The following C11orf65 variants were observed in gnomAD, a reference collection of about 807,000 sequenced individuals.
C11orf65 encodes the protein chromosome 11 open reading frame 65.
Under a neutral mutation model 35.3 loss-of-function variants are expected in C11orf65, and 38 were observed. That is an observed-to-expected ratio of 1.08 (90% CI 0.83 to 1.41). The LOEUF (loss-of-function observed/expected upper bound fraction) is 1.41, where lower values mean the gene tolerates loss of function less well. Among genes scored for constraint, C11orf65 ranks in the 40% most tolerant of loss-of-function variants. The pLI is 0.00. For synonymous variants in C11orf65, 105 were observed against 114.4 expected, an observed-to-expected ratio of 0.92 and a Z score of 0.53; for missense variants, 370 against 367.1, an observed-to-expected ratio of 1.01 and a Z score of -0.06.
intron 6 of C11orf65, chr11:108,317,231 A>G (rs1591787770): frequency 3.7e-6 from 3 of 804,344 alleles, no homozygotes; most frequent in East Asian, 6.3e-5. Flanking sequence ...GAGCCACCAC[A>G]CCCAGCTGAT....
chr11:108,431,402 T>C (rs79181376), intron 3 of C11orf65, among the ~76,000 whole-genome samples: 4,044 of 152,298 alleles, frequency 0.027, 190 homozygotes, highest in African/African-American at 0.092. Context: ...AAGCATACTA[T>C]AGGATTCTAT....
chr11:108,415,270 CA>C (rs2092713518), intron 3 of C11orf65, among the ~76,000 whole-genome samples: 1 of 152,080 alleles, frequency 6.6e-6, no homozygotes, highest in Admixed American at 6.6e-5. Context: ...CAATGAATCA[CA>C]AGGTTAATAT....
At chr11:108,327,415 A>G (rs1449478106), downstream of C11orf65, 2 of 476,824 alleles carry the variant, frequency 4.2e-6, no homozygotes, top group Non-Finnish European at 7.6e-6. Context: ...AGTACTCAAT[A>G]AATGTGACTT....
At position 108,406,842 on chromosome 11, in the gene C11orf65, T is replaced by G. The variant is rs772929861; in HGVS notation, c.350A>C (p.Asn117Thr). 6.2e-7 allele frequency: 1 copy of G among 1,613,296 alleles called. No homozygotes were observed. The highest frequency in any genetic ancestry group is 8.5e-7 in the Non-Finnish European group (1 of 1,179,582). The change falls in exon 5 of 9, where the codon AAT becomes ACT. Residue 117 changes from asparagine (N) to threonine (T), a missense_variant. Coordinates refer to ENST00000393084, the MANE Select transcript of C11orf65 (RefSeq NM_152587.5). ...ATGATCCTCTTCCTGAAGATGATCA[T>G]TTTTATTATGAGATGTATGCTTTGC... Reference protein sequence around the residue: ...LPAKHTSHNKNDHLQEEDHSG... With the variant: ...LPAKHTSHNKTDHLQEEDHSG...
At chr11:108,394,123 C>T (rs1376732482) in intron 6 of C11orf65, among the ~76,000 whole-genome samples, 3 of 140,142 alleles carry the variant, frequency 2.1e-5, no homozygotes, top group South Asian at 2.3e-4. Context: ...GAGGTTGCAG[C>T]GAGCCGAGAT....
chr11:108,424,965 A>G (rs1565678875), intron 3 of C11orf65, among the ~76,000 whole-genome samples: 1 of 152,350 alleles, frequency 6.6e-6, no homozygotes, highest in East Asian at 1.9e-4. Context: ...AATGAGAACA[A>G]AGACACAATG....
chr11:108,455,829 A>C (rs1052725873), intron 2 of C11orf65, among the ~76,000 whole-genome samples: 4 of 149,422 alleles, frequency 2.7e-5, no homozygotes, highest in Admixed American at 2.0e-4. Flanking sequence ...AAAAAAAAAA[A>C]AAAAAAAAAA....
chr11:108,332,687 CTT>C, intron 3 of C11orf65: 1 of 1,496,066 alleles, frequency 6.7e-7, no homozygotes, highest in South Asian at 1.2e-5. Flanking sequence ...CTGTTTTTCT[CTT>C]TGTTTTTCTA....
intron 2 of C11orf65, chr11:108,355,550 G>A (rs905337301): frequency 6.5e-6 from 1 of 152,916 alleles, no homozygotes; most frequent in Non-Finnish European, 1.5e-5. Flanking sequence ...GAAATCAGGA[G>A]TGTGGCCTCC....
At chr11:108,469,301 G>T (rs1296950098), upstream of C11orf65, among the ~76,000 whole-genome samples, 1 of 150,836 alleles carries the variant, frequency 6.6e-6, no homozygotes. Context: ...CTAGTTAGAA[G>T]GATAAATTTA....
chr11:108,461,862 C>T (rs2093477425), intron 1 of C11orf65, among the ~76,000 whole-genome samples: 1 of 152,060 alleles, frequency 6.6e-6, no homozygotes, highest in Admixed American at 6.6e-5. Context: ...GTGTCAAACA[C>T]CTTCTGGCTT....
chr11:108,316,081 C>G (rs2084621820), intron 6 of C11orf65: 1 of 1,614,074 alleles, frequency 6.2e-7, no homozygotes, highest in African/African-American at 1.3e-5. Flanking sequence ...AACAGCAATC[C>G]CCTCATCAAC....
chr11:108,407,776 C>T lies in C11orf65; in HGVS notation c.175-627G>A, dbSNP rs1296606375. Among the ~76,000 whole-genome samples, 6 of 150,126 alleles carry T rather than the reference C, an allele frequency of 4.0e-5. No individual in the cohort carries two copies. In the East Asian group the frequency reaches 1.2e-3, roughly 30 times the overall value. ...TGAAACCCCGTCTCTACTAAAAATA[C>T]AAAAAATTAGCTAGGCATGGTGGCA... On this transcript the variant is annotated intron_variant, in intron 3 of 8. Coordinates refer to ENST00000393084, the MANE Select transcript of C11orf65 (RefSeq NM_152587.5).
intron 2 of C11orf65, chr11:108,335,349 TACAGA>T (rs2086722468): frequency 7.9e-7 from 1 of 1,258,852 alleles, no homozygotes; most frequent in African/African-American, 1.5e-5. Context: ...CATTAACATG[TACAGA>T]CATGTACAGT....
chr11:108,321,209 A>T, intron 6 of C11orf65: 1 of 1,528,710 alleles, frequency 6.5e-7, no homozygotes, highest in South Asian at 1.1e-5. Context: ...AGCAAAGCCT[A>T]TGATGAGAAC....
chr11:108,335,904 A>T lies in C11orf65; in HGVS notation c.227-612T>A, dbSNP rs876660946. 1.2e-6 allele frequency: 2 copies of T among 1,614,078 alleles called. No homozygotes were observed. Among genetic ancestry groups the T allele is most frequent in the Non-Finnish European group, 1.7e-6 (2 of 1,179,976 alleles). On this transcript the variant is annotated intron_variant, in intron 2 of 3. Transcript: ENST00000524755. ...AACAGGTCTTCCAGATGTGTAATAC[A>T]TTACTGCAGAGAAACACGGAAACTA...
intron 2 of C11orf65, among the ~76,000 whole-genome samples, chr11:108,449,204 AC>A (rs1254008067): frequency 6.6e-6 from 1 of 152,108 alleles, no homozygotes. Flanking sequence ...AAATGGCCCT[AC>A]TGCCCAAGGT....
At chr11:108,468,372 A>G (rs1285018168), upstream of C11orf65, among the ~76,000 whole-genome samples, 3 of 152,262 alleles carry the variant, frequency 2.0e-5, no homozygotes, top group African/African-American at 7.2e-5. Context: ...ATCTAAAGCA[A>G]GTCTGACTTG....
chr11:108,326,231 T>C lies in C11orf65; in HGVS notation c.641-17160A>G, dbSNP rs1169579742. 6.2e-7 allele frequency: 1 copy of C among 1,613,042 alleles called. No homozygotes were observed. The highest frequency in any genetic ancestry group is 2.2e-5 in the East Asian group (1 of 44,852). ...TGGATGCCAGCTGTGCAGCGGTTTG[T>C]TTTTTTTATTGGCTGGATTAGTGTT... On this transcript the variant is annotated intron_variant, in intron 6 of 6. Coordinates refer to the C11orf65 transcript ENST00000525729.
Sources: gnomAD v4.1 joint callset for allele counts (sites outside exome capture counted in the v4.1 genomes callset) on GRCh38, gnomAD v4.1.1 for gene constraint, MANE v1.5 for transcripts, NCBI Gene and HGNC (gene_info 2026-07-23, HGNC 2026-07-21) for gene names.